SPEG: variants seen among roughly 807,000 people sequenced by gnomAD.
The protein encoded by SPEG is striated muscle enriched protein kinase.
SPEG carries 114 observed loss-of-function variants against 300.4 expected under a neutral mutation model. The observed-to-expected ratio is 0.38, with a 90% CI of 0.33 to 0.44. The LOEUF is 0.44. Ranked by LOEUF, SPEG falls within the 20% of genes least tolerant of loss-of-function variation. The pLI, the probability that SPEG is intolerant of heterozygous loss-of-function variation, is 1.00. For synonymous variants in SPEG, 1,964 were observed against 2,018.9 expected (o/e 0.97, Z 0.73); for missense variants, 4,201 against 4,586.2 (o/e 0.92, Z 2.43).
At position 219,448,536 on chromosome 2, in the gene SPEG, C is replaced by A; in HGVS notation, c.1378C>A (p.Pro460Thr). Residue 460 changes from proline to threonine, a missense_variant, in exon 4 of 41, where the codon CCA (proline) becomes ACA (threonine). By Grantham distance (38) the Pro-to-Thr change is conservative (BLOSUM62 -1). Around this residue, in one of 4 missense-constraint regions of SPEG, gnomAD observed 1,258 missense variants for 1,293.9 expected, o/e 0.97. Coordinates refer to ENST00000312358, the MANE Select transcript of SPEG (RefSeq NM_005876.5). ...GGCCTCGCAGGAAGAACTGCGGGCG[C>A]CAGGCAGCGTGGCCGAGCGGCGCCG... ...PGASQEELRAPGSVAERRRLF... is the reference protein window; with the variant it reads ...PGASQEELRATGSVAERRRLF... 1 of 1,444,576 alleles carries A rather than the reference C, an allele frequency of 6.9e-7. No individual in the cohort carries two copies. Among genetic ancestry groups the A allele is most frequent in the South Asian group, 1.4e-5 (1 of 71,756 alleles). 89.5% of individuals were successfully genotyped at this position (1,444,576 alleles called of 1,614,324 possible). A position where few individuals can be genotyped will look rare whatever the true frequency, so the allele number is the denominator to read the frequency against.
chr2:219,442,204 C>A (rs1688973407), intron 1 of SPEG: 1 of 604,028 alleles, frequency 1.7e-6, no homozygotes, highest in Non-Finnish European at 2.3e-6. Context: ...GCCTGCCCCA[C>A]CCGAGCCCCG....
intron 13 of SPEG, among the ~76,000 whole-genome samples, chr2:219,470,296 C>T (rs2125474398): frequency 7.3e-6 from 1 of 137,762 alleles, no homozygotes; most frequent in East Asian, 2.0e-4. Flanking sequence ...CTGTCTGACC[C>T]TGGTGCCCAG....
chr2:219,476,033 G>C (rs889440443), intron 18 of SPEG, among the ~76,000 whole-genome samples: 3 of 151,902 alleles, frequency 2.0e-5, no homozygotes, highest in African/African-American at 7.3e-5. Flanking sequence ...TGGGGTGGGG[G>C]GTGGGGGCTG....
At chr2:219,468,194 C>T (rs1050195627) in intron 10 of SPEG, among the ~76,000 whole-genome samples, 1 of 152,126 alleles carries the variant, frequency 6.6e-6, no homozygotes, top group Non-Finnish European at 1.5e-5. Flanking sequence ...GGGCATGACC[C>T]CAGCACAGAG....
In SPEG at chr2:219,477,404, C is replaced by A; in HGVS notation, c.4688C>A (p.Ala1563Glu). Residue 1563 changes from alanine (A) to glutamate (E), a missense_variant, in exon 20 of 41, where the codon GCG becomes GAG. By Grantham distance (107) the Ala-to-Glu change is moderately radical. Coordinates refer to ENST00000312358, the MANE Select transcript of SPEG (RefSeq NM_005876.5). The surrounding 1 kb of genome is among the most constrained non-coding windows in gnomAD (Gnocchi z 6.4). ...GVYTCTAQNL[A>E]GEVSCKAELA... ...TACACCTGCACCGCCCAGAACCTGG[C>A]GGGTGAGGTCTCCTGCAAAGCAGAG... 6.2e-7 allele frequency: 1 copy of A among 1,603,626 alleles called. No individual in the cohort carries two copies. The highest frequency in any genetic ancestry group is 8.5e-7 in the Non-Finnish European group (1 of 1,175,150).
In SPEG at chr2:219,489,487, T is replaced by A; in HGVS notation, c.8469T>A (p.Ser2823=). The A allele has an allele frequency of 6.6e-7, 1 of 1,511,256 alleles. No individual in the cohort carries two copies. Among genetic ancestry groups the A allele is most frequent in the Non-Finnish European group, 9.0e-7 (1 of 1,115,846 alleles). 93.6% of individuals were successfully genotyped at this position (1,511,256 alleles called of 1,614,324 possible). ...TPPSVTVSPS[S]PPTPPSQALS... is the part of the protein sequence containing the mutation. ...CGTCAGTCACTGTCAGCCCCTCATC[T>A]CCCCCCACACCTCCTAGCCAGGCCT... The change falls in exon 36 of 41, where the codon TCT becomes TCA. Residue 2823 remains serine (S), a synonymous_variant. Transcript: ENST00000312358.
Position 219,493,102 on chromosome 2 carries a change from G to A in SPEG, c.*316G>A, listed in dbSNP as rs1694123463. On this transcript the variant is annotated 3_prime_UTR_variant, in exon 41 of 41. Coordinates refer to ENST00000312358, the MANE Select transcript of SPEG (RefSeq NM_005876.5). ...AGGGACAGGAAGGGGGAGGCTCTAGGAAGGTTCTGGGTTGGGGGTCAGTGC... is the reference window on the plus strand; with the variant it reads ...AGGGACAGGAAGGGGGAGGCTCTAGAAAGGTTCTGGGTTGGGGGTCAGTGC... 3.3e-6 allele frequency: 2 copies of A among 601,026 alleles called. No homozygotes were observed. Among genetic ancestry groups the A allele is most frequent in the Admixed American group, 2.2e-5 (1 of 46,236 alleles). The allele number at this position is 601,026 out of a possible 1,614,324, so 37.2% of individuals were successfully genotyped here.
In SPEG at chr2:219,468,642, G is replaced by A; in HGVS notation, c.3207G>A (p.Leu1069=). Residue 1069 remains leucine (L), a synonymous_variant, in exon 11 of 41, where the codon CTG becomes CTA. Coordinates refer to ENST00000312358, the MANE Select transcript of SPEG (RefSeq NM_005876.5). Reference sequence around the variant, plus strand: ...CGTTGGCACCCCTGTTCACACGGCTGCTGGAAGATGTGGAGGTGTTGGAGG... The same window carrying A: ...CGTTGGCACCCCTGTTCACACGGCTACTGGAAGATGTGGAGGTGTTGGAGG... ...RPSLAPLFTR[L]LEDVEVLEGR... is the part of the protein sequence containing the mutation. The A allele has an allele frequency of 6.2e-7, 1 of 1,614,078 alleles. No homozygotes were observed.
chr2:219,444,973 G>A lies in SPEG; in HGVS notation c.627G>A (p.Pro209=), dbSNP rs770344163. 1.1e-5 allele frequency: 17 copies of A among 1,607,190 alleles called. No homozygotes were observed. Among genetic ancestry groups the A allele is most frequent in the East Asian group, 2.2e-5 (1 of 44,790 alleles). ...AGSGGGTRRL[P]GSPRQAQATG... ...GTGGGGGTGGCACCCGCCGCCTCCC[G>A]GGCAGCCCAAGGCAAGCACAGGCAA... The change falls in exon 3 of 41, where the codon CCG becomes CCA. Residue 209 remains proline, a synonymous_variant. Transcript: ENST00000312358. This position sits in a 1 kb window ranked among gnomAD's most constrained non-coding sequence, Gnocchi z 7.8.
In SPEG at chr2:219,485,036, C is replaced by G; in HGVS notation, c.7573C>G (p.Leu2525Val). ...AGATTPSAESLGSEASATSGS... is the reference protein window; with the variant it reads ...AGATTPSAESVGSEASATSGS... ...CGCCACCACGCCTTCCGCCGAGTCC[C>G]TGGGCTCCGAGGCCAGCGCCACGTC... Residue 2525 changes from leucine to valine, a missense_variant, in exon 30 of 41, where the codon CTG becomes GTG. Leu to Val is a conservative substitution (Grantham distance 32). Around this residue, in one of 4 missense-constraint regions of SPEG, gnomAD observed 1,578 missense variants for 1,506.0 expected, o/e 1.05. Coordinates refer to ENST00000312358, the MANE Select transcript of SPEG (RefSeq NM_005876.5). 3 of 1,532,472 alleles carry G rather than the reference C, an allele frequency of 2.0e-6. No individual in the cohort carries two copies. The highest frequency in any genetic ancestry group is 1.7e-6 in the Non-Finnish European group (2 of 1,145,922). The allele number at this position is 1,532,472 out of a possible 1,614,324, so 94.9% of individuals were successfully genotyped here. A position where few individuals can be genotyped will look rare whatever the true frequency, so the allele number is the denominator to read the frequency against.
chr2:219,436,791 T>C (rs543200315), intron 1 of SPEG, among the ~76,000 whole-genome samples: 1 of 151,956 alleles, frequency 6.6e-6, no homozygotes, highest in African/African-American at 2.4e-5. Flanking sequence ...GATCAGGGGA[T>C]GGGGTGCATT....
intron 18 of SPEG, among the ~76,000 whole-genome samples, chr2:219,475,814 A>AC (rs1692286005): frequency 6.6e-6 from 1 of 151,884 alleles, no homozygotes; most frequent in African/African-American, 2.4e-5. Context: ...ATTCCACTAG[A>AC]CCCCACCCAG....
In SPEG at chr2:219,483,418, G is replaced by A. The variant is rs755878550; in HGVS notation, c.5955G>A (p.Glu1985=). ...EQGRAPSQDQ[E]APSPEALPSP... ...GAAGGGCTCCCTCTCAGGACCAGGA[G>A]GCTCCCAGCCCAGAGGCCCTCCCCT... The change falls in exon 30 of 41, where the codon GAG becomes GAA. Residue 1985 remains glutamate, a synonymous_variant. Transcript: ENST00000312358. The A allele has an allele frequency of 2.5e-6, 4 of 1,580,844 alleles. No homozygotes were observed. The highest frequency in any genetic ancestry group is 2.6e-6 in the Non-Finnish European group (3 of 1,170,414).
chr2:219,435,511 G>A, intron 1 of SPEG, 146 bp downstream of exon 1: 1 of 906,092 alleles, frequency 1.1e-6, no homozygotes. Context: ...CCCGGCCCCA[G>A]AAGTGAGACG....
chr2:219,484,553 C>T lies in SPEG; in HGVS notation c.7090C>T (p.Arg2364Cys). ...RSRSEERGPFRGAEEEDGIYR... is the reference protein window; with the variant it reads ...RSRSEERGPFCGAEEEDGIYR... ...GCGCTCGGAGGAGCGCGGCCCCTTC[C>T]GTGGGGCCGAGGAGGAGGATGGCAT... Residue 2364 changes from arginine to cysteine, a missense_variant, in exon 30 of 41, where the codon CGT (arginine) becomes TGT (cysteine). Arg to Cys is a radical substitution (Grantham distance 180). Around this residue, in one of 4 missense-constraint regions of SPEG, gnomAD observed 1,578 missense variants for 1,506.0 expected, o/e 1.05. Transcript: ENST00000312358. The T allele has an allele frequency of 6.3e-7, 1 of 1,590,372 alleles. No individual in the cohort carries two copies. Among genetic ancestry groups the T allele is most frequent in the African/African-American group, 1.3e-5 (1 of 74,226 alleles).
Position 219,443,209 on chromosome 2 carries a change from G to A in SPEG, c.389-1444G>A. 6.5e-7 allele frequency: 1 copy of A among 1,537,716 alleles called. No homozygotes were observed. Among genetic ancestry groups the A allele is most frequent in the Non-Finnish European group, 9.0e-7 (1 of 1,111,408 alleles). On this transcript the variant is annotated intron_variant, in intron 1 of 40. Coordinates refer to ENST00000312358, the MANE Select transcript of SPEG (RefSeq NM_005876.5). This position sits in a 1 kb window ranked among gnomAD's most constrained non-coding sequence, Gnocchi z 4.6. ...ATGCCTACTCCTCCTCTTGGTCCCTGTCCCTCTGTGAGGCATCGAGTTCCT... is the reference window on the plus strand; with the variant it reads ...ATGCCTACTCCTCCTCTTGGTCCCTATCCCTCTGTGAGGCATCGAGTTCCT...
Position 219,458,396 on chromosome 2 carries a change from CTTT to C in SPEG, c.2441-3475_2441-3473del, listed in dbSNP as rs201199933. The stretch of plus-strand genomic sequence containing the variant: ...TGAGTATGTGTTAGAAATGCAGTTT[CTTT>C]TTTTTTTTTTCCCAATAAGCGTTTT... On this transcript the variant is annotated intron_variant, in intron 6 of 40. Coordinates refer to ENST00000312358, the MANE Select transcript of SPEG (RefSeq NM_005876.5). The surrounding 1 kb of genome is among the most constrained non-coding windows in gnomAD (Gnocchi z 4.2). Among the ~76,000 whole-genome samples, 2 of 145,286 alleles carry C rather than the reference CTTT, an allele frequency of 1.4e-5. No homozygotes were observed. Among genetic ancestry groups the C allele is most frequent in the Admixed American group, 6.9e-5 (1 of 14,514 alleles).
chr2:219,471,685 A>C (rs963787246), intron 13 of SPEG, 183 bp from the exon 14 acceptor site: 6 of 693,532 alleles, frequency 8.7e-6, no homozygotes, highest in African/African-American at 3.6e-5. Flanking sequence ...CCGGGCCCAG[A>C]CCCAGACTTT....
chr2:219,488,141 G>A, intron 31 of SPEG, 53 bp from the exon 32 acceptor site: 1 of 1,220,280 alleles, frequency 8.2e-7, no homozygotes, highest in Non-Finnish European at 1.2e-6. Flanking sequence ...TCCCTCAGCA[G>A]TAAGTGGGCC....
Sources: allele counts gnomAD v4.1 joint callset (sites outside exome capture counted in the v4.1 genomes callset), GRCh38; gene constraint gnomAD v4.1.1; regional missense constraint gnomAD v4.1.1; non-coding constraint Gnocchi (gnomAD v3.1); transcripts MANE v1.5; gene names NCBI Gene and HGNC (gene_info 2026-07-23, HGNC 2026-07-21).